Variants in SEZ6L observed in about 807,000 individuals in gnomAD.
SEZ6L encodes the protein seizure related 6 homolog like, also known as seizure 6-like protein.
A neutral mutation model predicts 106.2 loss-of-function variants in SEZ6L; 37 were observed. The observed-to-expected ratio is 0.35, with a 90% CI of 0.27 to 0.46. The LOEUF (loss-of-function observed/expected upper bound fraction) is 0.46. Among genes scored for constraint, SEZ6L ranks in the 20% least tolerant of loss-of-function variants. SEZ6L has a pLI of 1.00. For missense variants in SEZ6L, 1,172 were observed against 1,332.8 expected, an observed-to-expected ratio of 0.88 and a Z score of 1.88; for synonymous variants, 541 against 570.4, an observed-to-expected ratio of 0.95 and a Z score of 0.73.
At chr22:26,235,720 G>T (rs1033268265) in intron 1 of SEZ6L, among the ~76,000 whole-genome samples, 12 of 152,154 alleles carry the variant, frequency 7.9e-5, no homozygotes, top group African/African-American at 2.7e-4. Flanking sequence ...GAATTAACTT[G>T]CCCTTTTGGG....
At chr22:26,322,510 G>A (rs932713862) in intron 9 of SEZ6L, among the ~76,000 whole-genome samples, 1 of 152,188 alleles carries the variant, frequency 6.6e-6, no homozygotes, top group Non-Finnish European at 1.5e-5. Context: ...AGGTAGAGGG[G>A]AACTAGATTT....
intron 11 of SEZ6L, 69 bp downstream of exon 11, chr22:26,347,982 G>A: frequency 7.9e-7 from 1 of 1,265,774 alleles, no homozygotes; most frequent in Non-Finnish European, 1.1e-6. Context: ...TCTTTTTTTG[G>A]TGGGTGCAGT....
intron 1 of SEZ6L, among the ~76,000 whole-genome samples, chr22:26,266,448 C>T (rs2080185326): frequency 6.6e-6 from 1 of 151,234 alleles, no homozygotes; most frequent in South Asian, 2.1e-4. Flanking sequence ...TGGTGGGCGC[C>T]TGTAGTCCCA....
At chr22:26,174,660 C>T (rs1313133441) in intron 1 of SEZ6L, among the ~76,000 whole-genome samples, 1 of 152,150 alleles carries the variant, frequency 6.6e-6, no homozygotes, top group Non-Finnish European at 1.5e-5. Context: ...TTTGCATAAT[C>T]CTCTGGTTAC....
intron 1 of SEZ6L, among the ~76,000 whole-genome samples, chr22:26,247,860 T>G (rs1663952490): frequency 6.6e-6 from 1 of 152,170 alleles, no homozygotes; most frequent in Admixed American, 6.5e-5. Context: ...ATGCAAAGGT[T>G]GTAGAACAGT....
chr22:26,314,885 G>A (rs1038693211), intron 9 of SEZ6L, among the ~76,000 whole-genome samples: 1 of 152,228 alleles, frequency 6.6e-6, no homozygotes, highest in Non-Finnish European at 1.5e-5. Flanking sequence ...AGCGAGCAGC[G>A]GGGCTGAAAT....
In SEZ6L at chr22:26,381,947, A is replaced by G. The variant is rs571008564; in HGVS notation, c.*1652A>G. On this transcript the variant is annotated 3_prime_UTR_variant, in exon 17 of 17. Coordinates refer to ENST00000248933, the MANE Select transcript of SEZ6L (RefSeq NM_021115.5). ...CCATAGGGAGAATAGCAGGGAGTCT[A>G]TGTTTTGGTGGTTACATTGGAAACA... is the stretch of plus-strand genomic sequence containing the variant. 7.9e-6 allele frequency: 4 copies of G among 505,880 alleles called. No homozygotes were observed. Among genetic ancestry groups the G allele is most frequent in the African/African-American group, 5.8e-5 (3 of 51,412 alleles). The allele number at this position is 505,880 out of a possible 1,614,324, so 31.3% of individuals were successfully genotyped here.
chr22:26,200,081 T>A lies in SEZ6L; in HGVS notation c.94+30318T>A, dbSNP rs1940831487. Among the ~76,000 whole-genome samples, 5 of 152,236 alleles carry A rather than the reference T, an allele frequency of 3.3e-5. No homozygotes were observed. In the South Asian group the frequency reaches 1.0e-3, roughly 32 times the overall value. On this transcript the variant is annotated intron_variant, in intron 1 of 16. Coordinates refer to ENST00000248933, the MANE Select transcript of SEZ6L (RefSeq NM_021115.5). ...CAATAGGAAATGGTGGGGATGGGAC[T>A]GGAATGTAGCACTGCTTCCCAAGCA...
chr22:26,269,412 G>A (rs1449956590), intron 1 of SEZ6L, among the ~76,000 whole-genome samples: 1 of 152,160 alleles, frequency 6.6e-6, no homozygotes, highest in Non-Finnish European at 1.5e-5. Context: ...GAACTTAAAT[G>A]GATGCATAAA....
chr22:26,177,511 CT>C (rs947027853), intron 1 of SEZ6L, among the ~76,000 whole-genome samples: 17 of 152,326 alleles, frequency 1.1e-4, no homozygotes, highest in African/African-American at 4.1e-4. Flanking sequence ...GGACATCCTA[CT>C]GCTTATTGTT....
chr22:26,333,426 C>T (rs2082549846), intron 9 of SEZ6L, among the ~76,000 whole-genome samples: 1 of 152,074 alleles, frequency 6.6e-6, no homozygotes, highest in African/African-American at 2.4e-5. Flanking sequence ...TCAACTTAAC[C>T]CTGGGGAGCA....
At chr22:26,287,139 A>AAG (rs2080961908) in intron 1 of SEZ6L, among the ~76,000 whole-genome samples, 1 of 152,036 alleles carries the variant, frequency 6.6e-6, no homozygotes, top group Admixed American at 6.6e-5. Flanking sequence ...ATGGGAGAGA[A>AAG]AGAGAGATAC....
At chr22:26,294,888 TCTTGCTTGCTTGCTTGCTTCCTG>T (rs1569450008) in intron 3 of SEZ6L, among the ~76,000 whole-genome samples, 43 of 140,794 alleles carry the variant, frequency 3.1e-4, no homozygotes, top group African/African-American at 9.0e-4. Flanking sequence ...TTTCTTTCTT[TCTTGCTTGCTTGCTTGCTTCCTG>T]CTTTCTTGCT....
chr22:26,367,017 C>T (rs2083838085), intron 13 of SEZ6L, among the ~76,000 whole-genome samples: 1 of 152,124 alleles, frequency 6.6e-6, no homozygotes, highest in Admixed American at 6.6e-5. Context: ...TGTTGAATGT[C>T]ATTGTGTACT....
intron 1 of SEZ6L, among the ~76,000 whole-genome samples, chr22:26,219,795 T>C (rs1449889487): frequency 1.3e-5 from 2 of 151,794 alleles, no homozygotes; most frequent in Non-Finnish European, 2.9e-5. Context: ...CCAAGGCCTG[T>C]TGAGGGAGGT....
chr22:26,377,960 G>C (rs1252996547), intron 16 of SEZ6L, among the ~76,000 whole-genome samples, 185 bp downstream of exon 16: 1 of 152,044 alleles, frequency 6.6e-6, no homozygotes, highest in African/African-American at 2.4e-5. Context: ...GCAGGTGATT[G>C]GTGCTGAGGA....
intron 1 of SEZ6L, among the ~76,000 whole-genome samples, chr22:26,292,035 GGATGGATGGAAGGAAA>G (rs2081133251): frequency 5.2e-5 from 2 of 38,434 alleles, no homozygotes; most frequent in Non-Finnish European, 1.1e-4. Flanking sequence ...AAGGAAGGAA[GGATGGATGGAAGGAAA>G]GAAGGAAGGA....
chr22:26,354,089 G>A (rs1173163368), intron 12 of SEZ6L, among the ~76,000 whole-genome samples: 4 of 141,004 alleles, frequency 2.8e-5, no homozygotes, highest in Admixed American at 7.0e-5. Context: ...TTGATTGGAC[G>A]TAGCGTCTTT....
chr22:26,342,256 G>A (rs558277946), intron 10 of SEZ6L, among the ~76,000 whole-genome samples: 1 of 152,190 alleles, frequency 6.6e-6, no homozygotes, highest in African/African-American at 2.4e-5. Flanking sequence ...GAATTAGACT[G>A]GCATCTTGAT....
Sources: allele counts gnomAD v4.1 joint callset (sites outside exome capture counted in the v4.1 genomes callset), GRCh38; gene constraint gnomAD v4.1.1; transcripts MANE v1.5; gene names NCBI Gene and HGNC (gene_info 2026-07-23, HGNC 2026-07-21).